HDAC1: variants seen among roughly 807,000 people sequenced by gnomAD.
HDAC1 encodes the protein protein deacetylase HDAC1.
Under a neutral mutation model 65.5 loss-of-function variants are expected in HDAC1, and 18 were observed. The ratio of observed to expected loss-of-function variants is 0.27; its 90% CI spans 0.19 to 0.41. The LOEUF (loss-of-function observed/expected upper bound fraction) is 0.41, where lower values mean the gene tolerates loss of function less well. Among genes scored for constraint, HDAC1 ranks in the 10% least tolerant of loss-of-function variants. The pLI, the probability that HDAC1 is intolerant of heterozygous loss-of-function variation, is 1.00. For missense variants in HDAC1, 373 were observed against 625.2 expected, an observed-to-expected ratio of 0.60 and a Z score of 4.30; for synonymous variants, 211 against 227.9, an observed-to-expected ratio of 0.93 and a Z score of 0.67.
chr1:32,299,884 G>A (rs1329963952), intron 1 of HDAC1, among the ~76,000 whole-genome samples: 1 of 151,992 alleles, frequency 6.6e-6, no homozygotes, highest in Non-Finnish European at 1.5e-5. Context: ...GTGAAACCCC[G>A]TCTTTACTAA....
intron 3 of HDAC1, among the ~76,000 whole-genome samples, chr1:32,321,946 G>GA (rs1297684998): frequency 6.6e-6 from 1 of 152,126 alleles, no homozygotes; most frequent in Non-Finnish European, 1.5e-5. Context: ...CCCAGGAAGT[G>GA]AGGAAGAGAC....
chr1:32,330,814 G>A lies in HDAC1; in HGVS notation c.885G>A (p.Met295Ile), dbSNP rs2148072459. The change falls in exon 9 of 14, where the codon ATG becomes ATA. Residue 295 changes from methionine to isoleucine, a missense_variant. Physicochemically the swap from Met to Ile is conservative, Grantham distance 10 (BLOSUM62 1). This residue lies in a region of HDAC1 where 105 missense variants were observed against 192.6 expected (regional missense o/e 0.55). Coordinates refer to ENST00000373548, the MANE Select transcript of HDAC1 (RefSeq NM_004964.3). This position sits in a 1 kb window ranked among gnomAD's most constrained non-coding sequence, Gnocchi z 4.2. ...VEFVKSFNLP[M>I]LMLGGGGYTI... ...TTGTCAAGAGCTTTAACCTGCCTAT[G>A]CTGATGCTGGGAGGCGGTGGTTACA... 1.9e-6 allele frequency: 3 copies of A among 1,614,176 alleles called. No individual in the cohort carries two copies. The South Asian group carries it at 3.3e-5, about 18-fold the overall frequency.
chr1:32,330,393 T>C lies in HDAC1; in HGVS notation c.730-185T>C. The C allele has an allele frequency of 1.7e-6, 1 of 595,020 alleles. No individual in the cohort carries two copies. The highest frequency in any genetic ancestry group is 1.9e-5 in the South Asian group (1 of 52,002). 36.9% of individuals were successfully genotyped at this position (595,020 alleles called of 1,614,324 possible). A position where few individuals can be genotyped will look rare whatever the true frequency, so the allele number is the denominator to read the frequency against. On this transcript the variant is annotated intron_variant, in intron 7 of 13. Transcript: ENST00000373548. This position sits in a 1 kb window ranked among gnomAD's most constrained non-coding sequence, Gnocchi z 4.2. ...GAAGGGTCTTAGAGAACTTTTTAAATTGGAAAATTGAAATCCCAAGTGGGC... is the reference window on the plus strand; with the variant it reads ...GAAGGGTCTTAGAGAACTTTTTAAACTGGAAAATTGAAATCCCAAGTGGGC...
chr1:32,327,588 G>A lies in HDAC1; in HGVS notation c.547G>A (p.Val183Met), dbSNP rs371689839. 52 of 1,612,368 alleles carry A rather than the reference G, an allele frequency of 3.2e-5. 1 individual carries two copies. Among genetic ancestry groups the A allele is most frequent in the Admixed American group, 3.3e-5 (2 of 59,992 alleles). Residue 183 changes from valine (V) to methionine (M), a missense_variant, in exon 6 of 14, where the codon GTG (valine) becomes ATG (methionine). Around this residue, in one of 4 missense-constraint regions of HDAC1, gnomAD observed 62 missense variants for 180.0 expected, o/e 0.34. Transcript: ENST00000373548. The surrounding 1 kb of genome is among the most constrained non-coding windows in gnomAD (Gnocchi z 6.0). ...CATTGATATTCACCATGGTGACGGC[G>A]TGGAAGAGGCCTTCTACACCACGGA... is the stretch of plus-strand genomic sequence containing the variant. ...IDIDIHHGDGVEEAFYTTDRV... is the reference protein window; with the variant it reads ...IDIDIHHGDGMEEAFYTTDRV...
In HDAC1 at chr1:32,330,953, G is replaced by A. The variant is rs755148127; in HGVS notation, c.979+45G>A. ...GTTCGGCTGGGCTGGGTGGGAGCTG[G>A]AGCTCATCTGTCCTTAAGTTTATAA... On this transcript the variant is annotated intron_variant, in intron 9 of 13. Transcript: ENST00000373548. This position sits in a 1 kb window ranked among gnomAD's most constrained non-coding sequence, Gnocchi z 4.2. The A allele has an allele frequency of 8.1e-6, 13 of 1,602,154 alleles. No individual in the cohort carries two copies. The Admixed American group carries it at 1.3e-4, about 16-fold the overall frequency.
intron 3 of HDAC1, among the ~76,000 whole-genome samples, chr1:32,322,855 A>G (rs1336978827): frequency 1.3e-5 from 2 of 152,164 alleles, no homozygotes; most frequent in African/African-American, 4.8e-5. Flanking sequence ...AACCTTGGGC[A>G]AATCACTTAA....
Position 32,302,743 on chromosome 1 carries a change from C to A in HDAC1, c.162+10C>A, listed in dbSNP as rs777788043. On this transcript the variant is annotated intron_variant, in intron 2 of 13. Transcript: ENST00000373548. ...AAAAATGGAAATCTATGTGAGTTAC[C>A]AGAGGTGCTACCGCTCCCTAACCTC... 3 of 1,274,794 alleles carry A rather than the reference C, an allele frequency of 2.4e-6. No individual in the cohort carries two copies. The highest frequency in any genetic ancestry group is 2.4e-5 in the South Asian group (2 of 84,356). 79.0% of individuals were successfully genotyped at this position (1,274,794 alleles called of 1,614,324 possible). A position where few individuals can be genotyped will look rare whatever the true frequency, so the allele number is the denominator to read the frequency against.
At chr1:32,332,039 C>T (rs1419443060) in intron 11 of HDAC1, 51 bp from the exon 12 acceptor site, 1 of 1,504,066 alleles carries the variant, frequency 6.6e-7, no homozygotes, top group Non-Finnish European at 8.9e-7. Context: ...AGATGCTGAG[C>T]TAAATCAGCA....
At chr1:32,302,565 C>A in intron 1 of HDAC1, 56 bp from the exon 2 acceptor site, 2 of 833,962 alleles carry the variant, frequency 2.4e-6, no homozygotes, top group Non-Finnish European at 2.1e-6. Flanking sequence ...TTCCTGGGTT[C>A]TCCTGGTAGT....
At chr1:32,332,778 C>G (rs1302902360) in intron 13 of HDAC1, 29 bp downstream of exon 13, 14 of 1,540,422 alleles carry the variant, frequency 9.1e-6, no homozygotes, top group Non-Finnish European at 8.8e-7. Context: ...GTGGCCATCT[C>G]CCTGGCATTG....
rs1424336304 is a variant in HDAC1 at position 32,331,600 on chromosome 1, C to G, written c.1088+18C>G. 1 of 1,608,480 alleles carries G rather than the reference C, an allele frequency of 6.2e-7. No homozygotes were observed. Among genetic ancestry groups the G allele is most frequent in the South Asian group, 1.1e-5 (1 of 90,956 alleles). On this transcript the variant is annotated intron_variant, in intron 10 of 13. Coordinates refer to ENST00000373548, the MANE Select transcript of HDAC1 (RefSeq NM_004964.3). This position sits in a 1 kb window ranked among gnomAD's most constrained non-coding sequence, Gnocchi z 4.2. ...AAGATCAAGTGAGTATATCCTCCAG[C>G]CACCCCTTGGTTGAACATTCCTGAC...
intron 13 of HDAC1, 69 bp from the exon 14 acceptor site, chr1:32,332,948 C>A (rs1641317450): frequency 6.6e-7 from 1 of 1,513,148 alleles, no homozygotes; most frequent in South Asian, 1.2e-5. Context: ...CTGTGGAAGT[C>A]ACTGTCTGCA....
At chr1:32,292,249 C>G (rs1640708090) in intron 1 of HDAC1, 31 bp downstream of exon 1, 2 of 1,546,532 alleles carry the variant, frequency 1.3e-6, no homozygotes, top group Admixed American at 3.9e-5. Context: ...GGGGGCGGGG[C>G]CAGGCCGGGC....
In HDAC1 at chr1:32,316,550, T is replaced by G. The variant is rs977158416; in HGVS notation, c.163-115T>G. 3 of 670,628 alleles carry G rather than the reference T, an allele frequency of 4.5e-6. No individual in the cohort carries two copies. The African/African-American group carries it at 5.4e-5, about 12-fold the overall frequency. 41.5% of individuals were successfully genotyped at this position (670,628 alleles called of 1,614,324 possible). A position where few individuals can be genotyped will look rare whatever the true frequency, so the allele number is the denominator to read the frequency against. ...CCTGAATCTAACCAGTTATTTCTTT[T>G]TATTCTTTATAGCACCTAGCTCCAT... On this transcript the variant is annotated intron_variant, in intron 2 of 13. Coordinates refer to ENST00000373548, the MANE Select transcript of HDAC1 (RefSeq NM_004964.3).
intron 4 of HDAC1, among the ~76,000 whole-genome samples, chr1:32,326,038 A>G (rs1253595702): frequency 6.6e-6 from 1 of 152,072 alleles, no homozygotes; most frequent in Admixed American, 6.6e-5. Flanking sequence ...AAAAACAACA[A>G]CAAATTAACA....
chr1:32,305,268 G>A (rs1640896625), intron 2 of HDAC1, among the ~76,000 whole-genome samples: 1 of 152,060 alleles, frequency 6.6e-6, no homozygotes, highest in African/African-American at 2.4e-5. Context: ...TTTGCTTCTG[G>A]GGTTTGACTA....
rs530671555 is a variant in HDAC1, at chr1:32,302,723, T to A, written c.152T>A (p.Met51Lys). The change falls in exon 2 of 14, where the codon ATG (methionine) becomes AAG (lysine). Residue 51 changes from methionine to lysine, a missense_variant. Transcript: ENST00000373548. The stretch of plus-strand genomic sequence containing the variant: ...CTCAACTATGGTCTCTACCGAAAAA[T>A]GGAAATCTATGTGAGTTACCAGAGG... Reference protein sequence around the residue: ...LLLNYGLYRKMEIYRPHKANA... With the variant: ...LLLNYGLYRKKEIYRPHKANA... 6.6e-7 allele frequency: 1 copy of A among 1,514,176 alleles called. No homozygotes were observed. Among genetic ancestry groups the A allele is most frequent in the South Asian group, 1.1e-5 (1 of 89,050 alleles). 93.8% of individuals were successfully genotyped at this position (1,514,176 alleles called of 1,614,324 possible). A position where few individuals can be genotyped will look rare whatever the true frequency, so the allele number is the denominator to read the frequency against.
At chr1:32,326,140 C>T (rs1641214152) in intron 4 of HDAC1, among the ~76,000 whole-genome samples, 1 of 152,016 alleles carries the variant, frequency 6.6e-6, no homozygotes, top group South Asian at 2.1e-4. Context: ...CCTAGTGTAT[C>T]AGCACTATCT....
intron 1 of HDAC1, among the ~76,000 whole-genome samples, chr1:32,298,018 T>A (rs1640792543): frequency 6.6e-6 from 1 of 151,444 alleles, no homozygotes; most frequent in South Asian, 2.1e-4. Flanking sequence ...CTCCATCTCC[T>A]GACCTTGTGA....
Sources: allele counts gnomAD v4.1 joint callset (sites outside exome capture counted in the v4.1 genomes callset), GRCh38; gene constraint gnomAD v4.1.1; regional missense constraint gnomAD v4.1.1; non-coding constraint Gnocchi (gnomAD v3.1); transcripts MANE v1.5; gene names NCBI Gene and HGNC (gene_info 2026-07-23, HGNC 2026-07-21).